The following EGFLAM variants were observed in gnomAD, a reference collection of about 807,000 sequenced individuals.
EGFLAM encodes EGF like, fibronectin type III and laminin G domains, also known as pikachurin.
In EGFLAM, 79 loss-of-function variants were observed where a neutral mutation model predicts 113.1. The ratio of observed to expected loss-of-function variants is 0.70; its 90% CI spans 0.58 to 0.84. The LOEUF (loss-of-function observed/expected upper bound fraction) is 0.84. Among genes scored for constraint, EGFLAM ranks in the 40% least tolerant of loss-of-function variants. The probability of loss-of-function intolerance (pLI) is 0.00; values close to 1 mark genes in which losing one functional copy is unlikely to be tolerated. For synonymous variants in EGFLAM, 504 were observed against 487.6 expected, an observed-to-expected ratio of 1.03 and a Z score of -0.44; for missense variants, 1,265 against 1,291.6, an observed-to-expected ratio of 0.98 and a Z score of 0.32.
At chr5:38,403,888 C>A (rs1199491523) in intron 6 of EGFLAM, 1 of 1,613,866 alleles carries the variant, frequency 6.2e-7, no homozygotes, top group East Asian at 2.2e-5. Context: ...GAACATGCAT[C>A]CAGGTATAAA....
intron 1 of EGFLAM, among the ~76,000 whole-genome samples, chr5:38,326,094 G>A (rs187964784): frequency 1.1e-4 from 16 of 152,218 alleles, no homozygotes; most frequent in Non-Finnish European, 1.8e-4. Context: ...CCACAGCTCC[G>A]CTCAGAACCT....
chr5:38,355,333 C>A (rs1014056090), intron 5 of EGFLAM, among the ~76,000 whole-genome samples: 9 of 152,136 alleles, frequency 5.9e-5, no homozygotes, highest in Non-Finnish European at 8.8e-5. Context: ...TATAACTCCT[C>A]CACATTTTAT....
At chr5:38,371,482 T>C (rs1740210479) in intron 6 of EGFLAM, among the ~76,000 whole-genome samples, 1 of 151,898 alleles carries the variant, frequency 6.6e-6, no homozygotes, top group Non-Finnish European at 1.5e-5. Context: ...ATTCAGGAGG[T>C]TCCCCAAATC....
chr5:38,418,213 A>C lies in EGFLAM; in HGVS notation c.1642A>C (p.Arg548=). 1 of 1,613,950 alleles carries C rather than the reference A, an allele frequency of 6.2e-7. No homozygotes were observed. Among genetic ancestry groups the C allele is most frequent in the Non-Finnish European group, 8.5e-7 (1 of 1,179,982 alleles). ...TGTGAATGGGAGGAGAATTGACATG[A>C]GGCCCTGGCCCCTGGGAAAAGCACT... ...LAVNGRRIDM[R]PWPLGKALSG... is the part of the protein sequence containing the mutation. The change falls in exon 12 of 22, where the codon AGG becomes CGG. Residue 548 remains arginine, a synonymous_variant. Coordinates refer to ENST00000322350, the MANE Select transcript of EGFLAM (RefSeq NM_152403.4).
chr5:38,385,844 A>G (rs946212566), intron 6 of EGFLAM, among the ~76,000 whole-genome samples: 2 of 152,226 alleles, frequency 1.3e-5, no homozygotes, highest in African/African-American at 4.8e-5. Flanking sequence ...TGAGAAATGC[A>G]CCATTAGGTG....
chr5:38,448,315 A>C lies in EGFLAM; in HGVS notation c.2479A>C (p.Ile827Leu). 6.2e-7 allele frequency: 1 copy of C among 1,614,194 alleles called. No individual in the cohort carries two copies. The highest frequency in any genetic ancestry group is 8.5e-7 in the Non-Finnish European group (1 of 1,180,032). Reference sequence around the variant, plus strand: ...TTCTGTCCCAGCGATCATAGAAGCCATTGAGATCCCGCAGTTTATCGGCCG... The same window carrying C: ...TTCTGTCCCAGCGATCATAGAAGCCCTTGAGATCCCGCAGTTTATCGGCCG... ...LHCQKAIIEA[I>L]EIPQFIGRSY... The change falls in exon 18 of 22, where the codon ATT becomes CTT. Residue 827 changes from isoleucine to leucine, a missense_variant. Transcript: ENST00000322350.
At chr5:38,391,147 T>C (rs540792163) in intron 6 of EGFLAM, among the ~76,000 whole-genome samples, 4 of 152,302 alleles carry the variant, frequency 2.6e-5, no homozygotes, top group African/African-American at 9.6e-5. Flanking sequence ...TTAATCCACC[T>C]AGAATTCACT....
chr5:38,347,638 A>C (rs1739509031), intron 3 of EGFLAM, among the ~76,000 whole-genome samples: 1 of 152,134 alleles, frequency 6.6e-6, no homozygotes, highest in Admixed American at 6.5e-5. Flanking sequence ...GAATGGCATA[A>C]ATTTGAGCCC....
chr5:38,455,756 C>T (rs1380746421), intron 19 of EGFLAM, among the ~76,000 whole-genome samples: 1 of 152,152 alleles, frequency 6.6e-6, no homozygotes, highest in East Asian at 1.9e-4. Flanking sequence ...CTGCCAGGTT[C>T]ACGGTTGACT....
intron 11 of EGFLAM, among the ~76,000 whole-genome samples, chr5:38,414,086 G>A (rs1485076380): frequency 1.3e-5 from 2 of 152,288 alleles, no homozygotes; most frequent in South Asian, 4.1e-4. Flanking sequence ...CCAGGGGTTG[G>A]GGACCCCTGA....
chr5:38,420,055 CAAAACAAAAA>C (rs941239440), intron 12 of EGFLAM, among the ~76,000 whole-genome samples: 1 of 151,944 alleles, frequency 6.6e-6, no homozygotes, highest in African/African-American at 2.4e-5. Flanking sequence ...CAAAACAAAA[CAAAACAAAAA>C]ACCAATGGTA....
At chr5:38,399,402 T>C (rs1452543095) in intron 6 of EGFLAM, among the ~76,000 whole-genome samples, 2 of 150,126 alleles carry the variant, frequency 1.3e-5, no homozygotes, top group African/African-American at 2.4e-5. Context: ...CTCAGCCTCC[T>C]GAGTAGGTGG....
At chr5:38,402,448 A>G (rs1741146064) in intron 6 of EGFLAM, among the ~76,000 whole-genome samples, 1 of 152,164 alleles carries the variant, frequency 6.6e-6, no homozygotes, top group African/African-American at 2.4e-5. Flanking sequence ...CGATGTATGA[A>G]AAGCTCCTGG....
chr5:38,273,731 T>G, intron 1 of EGFLAM, among the ~76,000 whole-genome samples: 1 of 152,212 alleles, frequency 6.6e-6, no homozygotes, highest in East Asian at 1.9e-4. Context: ...TTGAAGGACA[T>G]TCCTAGACAG....
chr5:38,350,418 A>T, intron 3 of EGFLAM, 83 bp from the exon 4 acceptor site: 1 of 1,342,048 alleles, frequency 7.5e-7, no homozygotes, highest in East Asian at 2.3e-5. Flanking sequence ...AGGGGCCTCG[A>T]GATATAAACC....
chr5:38,378,738 T>C (rs1045593817), intron 6 of EGFLAM, among the ~76,000 whole-genome samples: 1 of 152,232 alleles, frequency 6.6e-6, no homozygotes, highest in Non-Finnish European at 1.5e-5. Flanking sequence ...CCAGGAAAAC[T>C]GTCCTCTTAC....
At chr5:38,416,066 T>A (rs56151831) in intron 11 of EGFLAM, among the ~76,000 whole-genome samples, 39,353 of 151,468 alleles carry the variant, frequency 0.26, 5,294 homozygotes, top group African/African-American at 0.3. Flanking sequence ...GTTTTTTTTT[T>A]AAAAAAATAA....
chr5:38,394,867 G>A (rs1027411378), intron 6 of EGFLAM, among the ~76,000 whole-genome samples: 1 of 152,110 alleles, frequency 6.6e-6, no homozygotes, highest in African/African-American at 2.4e-5. Context: ...GTGATAAACT[G>A]TCTCAGGCTT....
intron 11 of EGFLAM, 96 bp from the exon 12 acceptor site, chr5:38,417,970 C>T (rs1044714376): frequency 1.6e-6 from 2 of 1,253,584 alleles, no homozygotes; most frequent in South Asian, 3.0e-5. Flanking sequence ...GGGGCTGTCA[C>T]TGACGTCTTA....
Sources: gnomAD v4.1 joint callset for allele counts (sites outside exome capture counted in the v4.1 genomes callset) on GRCh38, gnomAD v4.1.1 for gene constraint, MANE v1.5 for transcripts, NCBI Gene and HGNC (gene_info 2026-07-23, HGNC 2026-07-21) for gene names.